The following PRPF8 variants were observed in gnomAD, a reference collection of about 807,000 sequenced individuals.
The protein encoded by PRPF8 is pre-mRNA-processing-splicing factor 8.
In PRPF8, 64 loss-of-function variants were observed where a neutral mutation model predicts 285.9. The ratio of observed to expected loss-of-function variants is 0.22; its 90% CI spans 0.18 to 0.28. The LOEUF (loss-of-function observed/expected upper bound fraction) is 0.28, where lower values mean the gene tolerates loss of function less well. PRPF8 is among the 10% of genes least tolerant of loss of function. PRPF8 has a pLI of 1.00. For synonymous variants in PRPF8, 1,325 were observed against 1,118.2 expected (o/e 1.18, Z -3.69); for missense variants, 1,426 against 3,026.7 (o/e 0.47, Z 12.41).
At chr17:1,677,478 C>T in intron 14 of PRPF8, 87 bp downstream of exon 14, 2 of 1,585,744 alleles carry the variant, frequency 1.3e-6, no homozygotes, top group South Asian at 2.2e-5. Context: ...GAAGAGTGCT[C>T]ATACAAGAGC....
Position 1,659,276 on chromosome 17 carries a change from G to A in PRPF8, c.5138+81C>T, listed in dbSNP as rs8079621. ...CCTGAGCTCAGACAATCTGCCCACC[G>A]CGGCCTCCCAAAGTGCTGGGATTAC... On this transcript the variant is annotated intron_variant, in intron 32 of 42. Transcript: ENST00000304992. This position sits in a 1 kb window ranked among gnomAD's most constrained non-coding sequence, Gnocchi z 5.1. The A allele has an allele frequency of 6.0e-3, 8,928 of 1,495,754 alleles. 39 individuals are homozygous for A. Among genetic ancestry groups the A allele is most frequent in the East Asian group, 9.2e-3 (408 of 44,338 alleles). 92.7% of individuals were successfully genotyped at this position (1,495,754 alleles called of 1,614,324 possible).
At chr17:1,660,918 A>G (rs1376154043) in intron 28 of PRPF8, 75 bp downstream of exon 28, 1 of 1,612,434 alleles carries the variant, frequency 6.2e-7, no homozygotes, top group Non-Finnish European at 8.5e-7. Context: ...GAAACACCAC[A>G]GGAAATCACA....
chr17:1,684,022 G>A (rs929676192), intron 2 of PRPF8, among the ~76,000 whole-genome samples: 3 of 151,930 alleles, frequency 2.0e-5, no homozygotes, highest in African/African-American at 7.3e-5. Context: ...CAGTAGCTGG[G>A]ATTATAGACA....
intron 12 of PRPF8, 40 bp downstream of exon 12, chr17:1,678,722 C>T (rs780709823): frequency 9.3e-6 from 15 of 1,613,980 alleles, no homozygotes; most frequent in African/African-American, 1.3e-5. Flanking sequence ...CTTCCTCCAG[C>T]GTCCTCACCC....
rs748583778 is a variant in PRPF8 at position 1,681,516 on chromosome 17, G to A, written c.828C>T (p.Gly276=). Residue 276 remains glycine (G), a synonymous_variant, in exon 6 of 43, where the codon GGC becomes GGT. Coordinates refer to ENST00000304992, the MANE Select transcript of PRPF8 (RefSeq NM_006445.4). ...CTCGAACAAGAGGTTCAAATTTGGGGCCTCCAGGAATGGCCATATTGAGTG... is the reference window on the plus strand; with the variant it reads ...CTCGAACAAGAGGTTCAAATTTGGGACCTCCAGGAATGGCCATATTGAGTG... ...SKALNMAIPG[G]PKFEPLVRDI... 1.9e-6 allele frequency: 3 copies of A among 1,611,482 alleles called. No homozygotes were observed. Among genetic ancestry groups the A allele is most frequent in the Non-Finnish European group, 2.5e-6 (3 of 1,177,654 alleles).
In PRPF8 at chr17:1,675,527, A is replaced by G. The variant is rs144842948; in HGVS notation, c.2872+93T>C. On this transcript the variant is annotated intron_variant, in intron 19 of 42. Coordinates refer to ENST00000304992, the MANE Select transcript of PRPF8 (RefSeq NM_006445.4). The surrounding 1 kb of genome is among the most constrained non-coding windows in gnomAD (Gnocchi z 6.0). Reference sequence around the variant, plus strand: ...CTTCCCTTTACTACCACGCATCAAGAGAGTAAACCAATCATGCTACCCAGA... The same window carrying G: ...CTTCCCTTTACTACCACGCATCAAGGGAGTAAACCAATCATGCTACCCAGA... 4.2e-4 allele frequency: 652 copies of G among 1,541,636 alleles called. 1 individual carries two copies. The African/African-American group carries it at 7.9e-3, about 19-fold the overall frequency.
Position 1,675,792 on chromosome 17 carries a change from A to G in PRPF8, c.2700T>C (p.Asp900=), listed in dbSNP as rs772959752. 6.2e-6 allele frequency: 10 copies of G among 1,614,170 alleles called. No individual in the cohort carries two copies. The highest frequency in any genetic ancestry group is 8.5e-6 in the Non-Finnish European group (10 of 1,180,032). Residue 900 remains aspartate, a synonymous_variant, in exon 19 of 43, where the codon GAT becomes GAC. Coordinates refer to ENST00000304992, the MANE Select transcript of PRPF8 (RefSeq NM_006445.4). This position sits in a 1 kb window ranked among gnomAD's most constrained non-coding sequence, Gnocchi z 6.0. ...AFKEVGIEFM[D]LYSHLVPVYD... ...ATACTGGAACGAGGTGGCTATACAG[A>G]TCCATGAACTCAATGCCCACCTGTG... is the stretch of plus-strand genomic sequence containing the variant.
At chr17:1,657,645 C>CA (rs71150803) in intron 34 of PRPF8, among the ~76,000 whole-genome samples, 1,239 of 47,956 alleles carry the variant, frequency 0.026, 19 homozygotes, top group South Asian at 0.036. Context: ...GACTCCGTCT[C>CA]AAAAAAAAAA....
chr17:1,665,454 C>T (rs576902529), intron 24 of PRPF8, among the ~76,000 whole-genome samples: 1 of 152,056 alleles, frequency 6.6e-6, no homozygotes, highest in Non-Finnish European at 1.5e-5. Context: ...AGGAGAATGA[C>T]ACAAACCCAG....
chr17:1,659,822 T>G lies in PRPF8; in HGVS notation c.4946+19A>C, dbSNP rs759753927. ...CGAAAGTGTCCTGGCTGCCTAGGGC[T>G]GGGTCCTGAGGCACTTACTTGGAGT... On this transcript the variant is annotated intron_variant, in intron 31 of 42. Transcript: ENST00000304992. The surrounding 1 kb of genome is among the most constrained non-coding windows in gnomAD (Gnocchi z 5.1). 1 of 1,613,336 alleles carries G rather than the reference T, an allele frequency of 6.2e-7. No homozygotes were observed. The highest frequency in any genetic ancestry group is 8.5e-7 in the Non-Finnish European group (1 of 1,179,322).
chr17:1,667,824 G>A (rs914961972), intron 24 of PRPF8, among the ~76,000 whole-genome samples: 5 of 152,104 alleles, frequency 3.3e-5, no homozygotes, highest in South Asian at 2.1e-4. Flanking sequence ...TTACAGGCGT[G>A]AGCCACCGCA....
Position 1,675,847 on chromosome 17 carries a change from C to CCAACTGCTACCTTTGGTAGAACCAAAGG in PRPF8, c.2679+53_2680-36dup, listed in dbSNP as rs542299373. On this transcript the variant is annotated intron_variant, in intron 18 of 42. Transcript: ENST00000304992. The surrounding 1 kb of genome is among the most constrained non-coding windows in gnomAD (Gnocchi z 6.0). ...AAGGAGGCTGGTTCACACCAATCCA[C>CCAACTGCTACCTTTGGTAGAACCAAAGG]CAACTGCTACCTTTGGTAGAACCAA... 37 of 1,614,062 alleles carry CCAACTGCTACCTTTGGTAGAACCAAAGG rather than the reference C, an allele frequency of 2.3e-5. No homozygotes were observed. Among genetic ancestry groups the CCAACTGCTACCTTTGGTAGAACCAAAGG allele is most frequent in the African/African-American group, 1.5e-4 (11 of 74,914 alleles).
Position 1,679,067 on chromosome 17 carries a change from G to A in PRPF8, c.1549C>T (p.His517Tyr). 6.2e-7 allele frequency: 1 copy of A among 1,614,208 alleles called. No individual in the cohort carries two copies. The highest frequency in any genetic ancestry group is 8.5e-7 in the Non-Finnish European group (1 of 1,180,042). ...TTGAGGTTGAAGTTGTAGTCCAGGT[G>A]CAGGTAGTTGAGGTTTTTGCGGTGA... ...LIHRKNLNYL[H>Y]LDYNFNLKPV... Residue 517 changes from histidine to tyrosine, a missense_variant, in exon 11 of 43, where the codon CAC (histidine) becomes TAC (tyrosine). Physicochemically the swap from His to Tyr is moderately conservative, Grantham distance 83. Coordinates refer to ENST00000304992, the MANE Select transcript of PRPF8 (RefSeq NM_006445.4). The surrounding 1 kb of genome is among the most constrained non-coding windows in gnomAD (Gnocchi z 4.7).
At position 1,684,472 on chromosome 17, in the gene PRPF8, C is replaced by T. The variant is rs1437193980; in HGVS notation, c.100G>A (p.Ala34Thr). The change falls in exon 2 of 43, where the codon GCT becomes ACT. Residue 34 changes from alanine (A) to threonine (T), a missense_variant and splice_region_variant. Ala to Thr is a moderately conservative substitution (Grantham distance 58, BLOSUM62 0). Coordinates refer to ENST00000304992, the MANE Select transcript of PRPF8 (RefSeq NM_006445.4). ...YMSEEKLQEK[A>T]RKWQQLQAKR... Reference sequence around the variant, plus strand: ...GCGCCGCTCCACACTCTCGCCTCACCTTTCTCCTGCAGCTTCTCCTCCGAC... The same window carrying T: ...GCGCCGCTCCACACTCTCGCCTCACTTTTCTCCTGCAGCTTCTCCTCCGAC... 1 of 1,612,694 alleles carries T rather than the reference C, an allele frequency of 6.2e-7. No individual in the cohort carries two copies. The highest frequency in any genetic ancestry group is 8.5e-7 in the Non-Finnish European group (1 of 1,179,724).
intron 30 of PRPF8, among the ~76,000 whole-genome samples, 169 bp from the exon 31 acceptor site, chr17:1,660,170 C>G (rs562607104): frequency 6.6e-6 from 1 of 151,898 alleles, no homozygotes; most frequent in South Asian, 2.1e-4. Flanking sequence ...ACGCTCTCCC[C>G]GCGATTCCAC....
chr17:1,674,704 T>C, intron 20 of PRPF8, 24 bp from the exon 21 acceptor site: 1 of 1,601,626 alleles, frequency 6.2e-7, no homozygotes, highest in Non-Finnish European at 8.6e-7. Context: ...ACTACAATTC[T>C]TAAGAATGTG....
chr17:1,683,543 C>T lies in PRPF8; in HGVS notation c.259G>A (p.Val87Ile), dbSNP rs140021589. Residue 87 changes from valine (V) to isoleucine (I), a missense_variant, in exon 3 of 43, where the codon GTT (valine) becomes ATT (isoleucine). Around this residue, in one of 34 missense-constraint regions of PRPF8, gnomAD observed 96 missense variants for 188.3 expected, o/e 0.51. Coordinates refer to ENST00000304992, the MANE Select transcript of PRPF8 (RefSeq NM_006445.4). ...CAGGATGTTCCTTACCCCAAGTAAACCCTTTTGTCATGGCGGAACTTCCTG... is the reference window on the plus strand; with the variant it reads ...CAGGATGTTCCTTACCCCAAGTAAATCCTTTTGTCATGGCGGAACTTCCTG... Reference protein sequence around the residue: ...TNRKFRHDKRVYLGALKYMPH... With the variant: ...TNRKFRHDKRIYLGALKYMPH... 6.2e-7 allele frequency: 1 copy of T among 1,614,030 alleles called. No individual in the cohort carries two copies. Among genetic ancestry groups the T allele is most frequent in the African/African-American group, 1.3e-5 (1 of 74,914 alleles).
chr17:1,676,730 C>T lies in PRPF8; in HGVS notation c.2182-19G>A, dbSNP rs1256012839. ...CAGGGACCTAAAAGTCCAAAAAGCACAATCAAGCCAGGATCCAGCCAGGCA... is the reference window on the plus strand; with the variant it reads ...CAGGGACCTAAAAGTCCAAAAAGCATAATCAAGCCAGGATCCAGCCAGGCA... On this transcript the variant is annotated intron_variant, in intron 15 of 42. Coordinates refer to ENST00000304992, the MANE Select transcript of PRPF8 (RefSeq NM_006445.4). This position sits in a 1 kb window ranked among gnomAD's most constrained non-coding sequence, Gnocchi z 6.3. The T allele has an allele frequency of 1.9e-6, 3 of 1,612,742 alleles. No individual in the cohort carries two copies. The highest frequency in any genetic ancestry group is 2.2e-5 in the South Asian group (2 of 91,058).
rs149491953 is a variant in PRPF8 at position 1,677,449 on chromosome 17, C to T, written c.1984+116G>A. The T allele has an allele frequency of 3.3e-5, 50 of 1,499,894 alleles. No individual in the cohort carries two copies. In the African/African-American group the frequency reaches 4.4e-4, roughly 13 times the overall value. The allele number at this position is 1,499,894 out of a possible 1,614,324, so 92.9% of individuals were successfully genotyped here. On this transcript the variant is annotated intron_variant, in intron 14 of 42. Coordinates refer to ENST00000304992, the MANE Select transcript of PRPF8 (RefSeq NM_006445.4). ...AGGTCAGACTCATTTCAGAACTGGACCTAAAGGCAATCCAGTAGGAAGAGT... is the reference window on the plus strand; with the variant it reads ...AGGTCAGACTCATTTCAGAACTGGATCTAAAGGCAATCCAGTAGGAAGAGT...
Sources: gnomAD v4.1 joint callset for allele counts (sites outside exome capture counted in the v4.1 genomes callset) on GRCh38, gnomAD v4.1.1 for gene constraint, gnomAD v4.1.1 regional missense constraint, Gnocchi (gnomAD v3.1) non-coding constraint, MANE v1.5 for transcripts, NCBI Gene and HGNC (gene_info 2026-07-23, HGNC 2026-07-21) for gene names.